Variants in PTPRD observed in about 807,000 individuals in gnomAD.
PTPRD encodes receptor-type tyrosine-protein phosphatase delta.
PTPRD carries 34 observed loss-of-function variants against 214.5 expected under a neutral mutation model. The ratio of observed to expected loss-of-function variants is 0.16; its 90% CI spans 0.12 to 0.21. The LOEUF (loss-of-function observed/expected upper bound fraction) is 0.21, where lower values mean the gene tolerates loss of function less well. PTPRD is among the 10% of genes least tolerant of loss of function. The probability of loss-of-function intolerance (pLI) is 1.00; values close to 1 mark genes in which losing one functional copy is unlikely to be tolerated. For synonymous variants in PTPRD, 1,128 were observed against 845.7 expected (o/e 1.33, Z -5.79); for missense variants, 2,545 against 2,398.7 (o/e 1.06, Z -1.27).
intron 2 of PTPRD, among the ~76,000 whole-genome samples, chr9:10,429,665 T>TA (rs985410788): frequency 1.3e-5 from 2 of 150,926 alleles, no homozygotes; most frequent in African/African-American, 4.9e-5. Context: ...AATATATAGA[T>TA]ATATATTCTA....
chr9:8,669,004 G>A (rs1296114112), intron 12 of PTPRD, among the ~76,000 whole-genome samples: 1 of 152,108 alleles, frequency 6.6e-6, no homozygotes. Flanking sequence ...TCAAAGAGGA[G>A]CACTGAACAG....
At chr9:9,966,320 C>A (rs1160786942) in intron 4 of PTPRD, among the ~76,000 whole-genome samples, 2 of 152,138 alleles carry the variant, frequency 1.3e-5, no homozygotes, top group African/African-American at 4.8e-5. Context: ...AATCTTCAGA[C>A]TTTCTAGGTT....
intron 3 of PTPRD, among the ~76,000 whole-genome samples, chr9:10,281,682 T>A (rs904739934): frequency 6.6e-6 from 1 of 152,206 alleles, no homozygotes; most frequent in Non-Finnish European, 1.5e-5. Context: ...TGCTATTTTA[T>A]ACTAAAATTG....
chr9:9,012,816 C>G (rs1000059816), intron 11 of PTPRD, among the ~76,000 whole-genome samples: 1 of 152,110 alleles, frequency 6.6e-6, no homozygotes, highest in African/African-American at 2.4e-5. Context: ...TAACATCAGG[C>G]AGAGATAAAA....
chr9:9,059,902 A>G (rs1229445449), intron 10 of PTPRD, among the ~76,000 whole-genome samples: 4 of 152,164 alleles, frequency 2.6e-5, no homozygotes, highest in Non-Finnish European at 5.9e-5. Flanking sequence ...GAAACAGAAT[A>G]CTTAAATAAA....
At chr9:10,315,906 C>T (rs1184841069) in intron 3 of PTPRD, among the ~76,000 whole-genome samples, 2 of 151,796 alleles carry the variant, frequency 1.3e-5, no homozygotes, top group African/African-American at 4.8e-5. Flanking sequence ...AAGTTTCATG[C>T]TGCATCAATT....
intron 43 of PTPRD, 62 bp downstream of exon 43, chr9:8,338,860 A>AGAGAGAGAGC: frequency 6.6e-7 from 1 of 1,506,738 alleles, no homozygotes; most frequent in Non-Finnish European, 9.0e-7. Context: ...AGAGAGAGAG[A>AGAGAGAGAGC]GAGAGGTATC....
At chr9:9,835,293 A>AC (rs1639249071) in intron 5 of PTPRD, among the ~76,000 whole-genome samples, 1 of 152,012 alleles carries the variant, frequency 6.6e-6, no homozygotes, top group South Asian at 2.1e-4. Flanking sequence ...AACCCCTGAG[A>AC]CTTTTTTTTA....
chr9:8,999,673 G>C (rs545350404), intron 11 of PTPRD, among the ~76,000 whole-genome samples: 4 of 152,048 alleles, frequency 2.6e-5, no homozygotes, highest in Admixed American at 2.0e-4. Context: ...CTCTACAGAT[G>C]TGTTAACATG....
chr9:8,956,693 G>A (rs573460128), intron 11 of PTPRD, among the ~76,000 whole-genome samples: 2 of 151,844 alleles, frequency 1.3e-5, no homozygotes, highest in Admixed American at 1.3e-4. Context: ...CACCAACCAC[G>A]ACAGAAGCAG....
intron 9 of PTPRD, among the ~76,000 whole-genome samples, chr9:9,325,789 T>G (rs767384538): frequency 2.0e-5 from 3 of 152,200 alleles, no homozygotes; most frequent in Non-Finnish European, 4.4e-5. Context: ...AAGGGAATGC[T>G]TCCAGTTTTT....
At chr9:8,783,242 T>C (rs10758993) in intron 11 of PTPRD, among the ~76,000 whole-genome samples, 36,281 of 152,106 alleles carry the variant, frequency 0.24, 4,397 homozygotes, top group East Asian at 0.4. Context: ...AAGTTGTACA[T>C]TGACATTCAC....
intron 10 of PTPRD, among the ~76,000 whole-genome samples, chr9:9,052,508 C>G (rs1443203668): frequency 1.3e-5 from 2 of 152,032 alleles, no homozygotes; most frequent in African/African-American, 4.8e-5. Flanking sequence ...ATGAGTAAAA[C>G]TATAGGGTCA....
intron 6 of PTPRD, among the ~76,000 whole-genome samples, chr9:9,754,186 G>A (rs2098547630): frequency 6.6e-6 from 1 of 152,056 alleles, no homozygotes; most frequent in African/African-American, 2.4e-5. Context: ...AATGACAAGG[G>A]AACTGGAGGA....
At chr9:9,582,842 C>A (rs757253057) in intron 7 of PTPRD, among the ~76,000 whole-genome samples, 1 of 151,914 alleles carries the variant, frequency 6.6e-6, no homozygotes, top group Non-Finnish European at 1.5e-5. Context: ...AAACTATAAT[C>A]TTTGTCTTCC....
Position 9,831,592 on chromosome 9 carries a change from A to T in PTPRD, c.-367-64741T>A, listed in dbSNP as rs532603282. ...TCCTGTAGGAGTTGACTTGCAACAGAAAGTCAGTAATCCACATGCTTGCTA... is the reference window on the plus strand; with the variant it reads ...TCCTGTAGGAGTTGACTTGCAACAGTAAGTCAGTAATCCACATGCTTGCTA... On this transcript the variant is annotated intron_variant, in intron 5 of 45. Transcript: ENST00000381196. Among the ~76,000 whole-genome samples, 49 of 152,078 alleles carry T rather than the reference A, an allele frequency of 3.2e-4. No homozygotes were observed. The South Asian group carries it at 5.0e-3, about 15-fold the overall frequency.
chr9:8,528,598 T>C lies in PTPRD; in HGVS notation c.534A>G (p.Leu178=). The C allele has an allele frequency of 1.9e-6, 3 of 1,613,728 alleles. No homozygotes were observed. The highest frequency in any genetic ancestry group is 1.7e-6 in the Non-Finnish European group (2 of 1,179,726). ...ACAGTAACAAGACCCTACCTGATCG[T>C]AACTGCTTAATACGACCATTGTTGT... ...TSNNNGRIKQ[L]RSESIGGTPI... The change falls in exon 15 of 46, where the codon TTA becomes TTG. Residue 178 remains leucine (L), a synonymous_variant. Transcript: ENST00000381196.
intron 7 of PTPRD, among the ~76,000 whole-genome samples, chr9:9,696,377 C>T (rs1053035534): frequency 2.9e-4 from 44 of 152,180 alleles, no homozygotes; most frequent in Middle Eastern, 3.4e-3. Context: ...CCTGGATAAC[C>T]TGTTCATTAC....
At chr9:10,029,157 C>A (rs2096996007) in intron 4 of PTPRD, among the ~76,000 whole-genome samples, 1 of 152,318 alleles carries the variant, frequency 6.6e-6, no homozygotes, top group Middle Eastern at 3.4e-3. Context: ...AGTTTGGGAA[C>A]CTCTGCCTAG....
Sources: gnomAD v4.1 joint callset for allele counts (sites outside exome capture counted in the v4.1 genomes callset) on GRCh38, gnomAD v4.1.1 for gene constraint, MANE v1.5 for transcripts, NCBI Gene and HGNC (gene_info 2026-07-23, HGNC 2026-07-21) for gene names.